The following CTNND2 variants were observed in gnomAD, a reference collection of about 807,000 sequenced individuals.
The protein encoded by CTNND2 is catenin delta 2, also known as catenin delta-2.
In CTNND2, 22 loss-of-function variants were observed where a neutral mutation model predicts 144.4. The ratio of observed to expected loss-of-function variants is 0.15; its 90% CI spans 0.11 to 0.22. The LOEUF (loss-of-function observed/expected upper bound fraction) is 0.22, where lower values mean the gene tolerates loss of function less well. CTNND2 is among the 10% of genes least tolerant of loss of function. The probability of loss-of-function intolerance (pLI) is 1.00; values close to 1 mark genes in which losing one functional copy is unlikely to be tolerated. For missense variants in CTNND2, 1,353 were observed against 1,618.8 expected (o/e 0.84, Z 2.82); for synonymous variants, 751 against 695.6 (o/e 1.08, Z -1.25).
chr5:11,719,484 TGTTA>T (rs1786538501), intron 2 of CTNND2, among the ~76,000 whole-genome samples: 1 of 152,202 alleles, frequency 6.6e-6, no homozygotes, highest in Non-Finnish European at 1.5e-5. Flanking sequence ...AATTGTCTGT[TGTTA>T]TAGATACTAC....
At chr5:11,540,172 AC>A (rs1351855580) in intron 3 of CTNND2, among the ~76,000 whole-genome samples, 1 of 152,214 alleles carries the variant, frequency 6.6e-6, no homozygotes, top group East Asian at 1.9e-4. Flanking sequence ...GCCCTATACA[AC>A]CCGACACAGG....
At chr5:11,592,110 ACCTT>A (rs1477108835) in intron 2 of CTNND2, among the ~76,000 whole-genome samples, 24 of 148,274 alleles carry the variant, frequency 1.6e-4, no homozygotes, top group African/African-American at 5.5e-4. Context: ...GAACCTATCT[ACCTT>A]CCTTCCTTCC....
chr5:11,838,565 A>C (rs935948686), intron 1 of CTNND2, among the ~76,000 whole-genome samples: 6 of 152,172 alleles, frequency 3.9e-5, no homozygotes, highest in African/African-American at 1.4e-4. Flanking sequence ...TGACAGATTC[A>C]GTTTCAAGTA....
intron 11 of CTNND2, among the ~76,000 whole-genome samples, chr5:11,195,938 T>C (rs1011077420): frequency 2.6e-5 from 4 of 152,204 alleles, no homozygotes; most frequent in Non-Finnish European, 5.9e-5. Flanking sequence ...AATTATTGCA[T>C]AGGAAGAAAA....
chr5:11,212,133 A>G (rs1000878474), intron 10 of CTNND2, among the ~76,000 whole-genome samples: 1 of 152,212 alleles, frequency 6.6e-6, no homozygotes, highest in Non-Finnish European at 1.5e-5. Flanking sequence ...TAGTAGTAAA[A>G]GCCAATGCTT....
intron 9 of CTNND2, among the ~76,000 whole-genome samples, chr5:11,301,910 G>C (rs26000): frequency 6.6e-6 from 1 of 151,666 alleles, no homozygotes; most frequent in Non-Finnish European, 1.5e-5. Context: ...ATGGAACTTG[G>C]CCCTTCACTG....
intron 20 of CTNND2, among the ~76,000 whole-genome samples, chr5:10,985,053 G>A (rs1417841549): frequency 1.3e-5 from 2 of 151,540 alleles, no homozygotes; most frequent in Non-Finnish European, 1.5e-5. Context: ...CAGCCTGGGC[G>A]ACACAGTGAA....
chr5:11,393,427 A>G (rs1373006798), intron 6 of CTNND2, among the ~76,000 whole-genome samples: 1 of 152,170 alleles, frequency 6.6e-6, no homozygotes, highest in Non-Finnish European at 1.5e-5. Flanking sequence ...TATTTCTTGC[A>G]TAGTTTTTTT....
At chr5:11,633,150 A>G (rs529541269) in intron 2 of CTNND2, among the ~76,000 whole-genome samples, 1 of 152,344 alleles carries the variant, frequency 6.6e-6, no homozygotes, top group African/African-American at 2.4e-5. Flanking sequence ...AAGAAGCTCA[A>G]TAACTAAAAA....
intron 3 of CTNND2, among the ~76,000 whole-genome samples, chr5:11,517,270 C>T (rs2150033967): frequency 6.6e-6 from 1 of 152,312 alleles, no homozygotes; most frequent in East Asian, 1.9e-4. Flanking sequence ...CTACAACTTA[C>T]ACTTATTAAT....
intron 7 of CTNND2, among the ~76,000 whole-genome samples, chr5:11,380,726 T>C (rs987822605): frequency 2.6e-5 from 4 of 152,218 alleles, no homozygotes; most frequent in African/African-American, 9.6e-5. Flanking sequence ...TCAGATTTTC[T>C]AAGGTTTGTC....
intron 11 of CTNND2, among the ~76,000 whole-genome samples, chr5:11,180,775 C>T (rs1760916932): frequency 6.6e-6 from 1 of 152,236 alleles, no homozygotes; most frequent in African/African-American, 2.4e-5. Flanking sequence ...TGATCTGGCT[C>T]TTTAGAGAAC....
intron 9 of CTNND2, among the ~76,000 whole-genome samples, chr5:11,343,880 A>G (rs956912015): frequency 2.6e-5 from 4 of 152,226 alleles, no homozygotes; most frequent in Non-Finnish European, 5.9e-5. Context: ...AATTCTCTTA[A>G]ATATATGTAA....
At chr5:11,466,017 A>G (rs1247648864) in intron 3 of CTNND2, among the ~76,000 whole-genome samples, 3 of 152,100 alleles carry the variant, frequency 2.0e-5, no homozygotes, top group Non-Finnish European at 2.9e-5. Flanking sequence ...AAACAAAACT[A>G]CTTATTGAAG....
chr5:11,444,458 G>C (rs1164513835), intron 3 of CTNND2, among the ~76,000 whole-genome samples: 1 of 152,144 alleles, frequency 6.6e-6, no homozygotes, highest in African/African-American at 2.4e-5. Context: ...TTAGGCACTG[G>C]TGGCTGTTAA....
chr5:11,291,726 C>A (rs572342888), intron 9 of CTNND2, among the ~76,000 whole-genome samples: 76 of 152,256 alleles, frequency 5.0e-4, no homozygotes, highest in African/African-American at 1.8e-3. Flanking sequence ...CTTAGCTCCC[C>A]AAATCTCCCC....
chr5:11,257,290 G>T (rs1318832020), intron 9 of CTNND2, among the ~76,000 whole-genome samples: 1 of 152,172 alleles, frequency 6.6e-6, no homozygotes, highest in Non-Finnish European at 1.5e-5. Context: ...TGAATGATTA[G>T]CCATTGGCAC....
chr5:11,754,984 T>A (rs1031901251), intron 1 of CTNND2, among the ~76,000 whole-genome samples: 1 of 151,758 alleles, frequency 6.6e-6, no homozygotes, highest in African/African-American at 2.4e-5. Context: ...TATTATCTTG[T>A]TATTAGCTGG....
intron 10 of CTNND2, among the ~76,000 whole-genome samples, chr5:11,200,663 CTCTT>C (rs1019251932): frequency 1.3e-4 from 20 of 152,090 alleles, no homozygotes; most frequent in African/African-American, 2.4e-4. Context: ...TCTTTCTTTT[CTCTT>C]TCTTTCTTTT....
Sources: allele counts gnomAD v4.1 joint callset (sites outside exome capture counted in the v4.1 genomes callset), GRCh38; gene constraint gnomAD v4.1.1; transcripts MANE v1.5; gene names NCBI Gene and HGNC (gene_info 2026-07-23, HGNC 2026-07-21).